AFF3: variants seen among roughly 807,000 people sequenced by gnomAD.
The protein encoded by AFF3 is AF4/FMR2 family member 3.
AFF3 carries 32 observed loss-of-function variants against 129.7 expected under a neutral mutation model. The observed-to-expected ratio is 0.25, with a 90% CI of 0.19 to 0.33. The LOEUF is 0.33. Ranked by LOEUF, AFF3 falls within the 10% of genes least tolerant of loss-of-function variation. The pLI is 1.00. For missense variants in AFF3, 1,373 were observed against 1,592.0 expected, an observed-to-expected ratio of 0.86 and a Z score of 2.34; for synonymous variants, 644 against 635.4, an observed-to-expected ratio of 1.01 and a Z score of -0.20.
intron 2 of AFF3, among the ~76,000 whole-genome samples, chr2:100,121,220 C>T (rs1259849477): frequency 1.3e-5 from 2 of 152,156 alleles, no homozygotes; most frequent in African/African-American, 2.4e-5. Context: ...CCACCCTGCC[C>T]ACCATCCAGT....
chr2:99,709,880 C>T (rs1677743209), intron 11 of AFF3, among the ~76,000 whole-genome samples: 1 of 152,224 alleles, frequency 6.6e-6, no homozygotes, highest in Admixed American at 6.5e-5. Flanking sequence ...AGTCCCAAAT[C>T]ACTGGGTTTC....
chr2:99,902,655 C>G (rs944506848), intron 7 of AFF3, among the ~76,000 whole-genome samples: 1 of 152,146 alleles, frequency 6.6e-6, no homozygotes, highest in African/African-American at 2.4e-5. Flanking sequence ...GAATCACCTC[C>G]AAATTTAACC....
At chr2:99,898,364 A>G (rs1694116974) in intron 7 of AFF3, among the ~76,000 whole-genome samples, 1 of 152,198 alleles carries the variant, frequency 6.6e-6, no homozygotes, top group African/African-American at 2.4e-5. Flanking sequence ...CCACAAGGAC[A>G]CTGAGGCACC....
intron 11 of AFF3, among the ~76,000 whole-genome samples, chr2:99,689,061 G>A (rs1029040045): frequency 6.6e-6 from 1 of 152,126 alleles, no homozygotes; most frequent in African/African-American, 2.4e-5. Context: ...ACTCCTAGCA[G>A]TGTCCATCTT....
chr2:99,554,808 G>A (rs919066987), intron 22 of AFF3, 76 bp from the exon 23 acceptor site: 84 of 1,556,842 alleles, frequency 5.4e-5, no homozygotes, highest in Non-Finnish European at 6.8e-5. Flanking sequence ...GTGTTTTCAG[G>A]TGACTGCAGA....
At chr2:99,812,557 G>A (rs1006566583) in intron 8 of AFF3, among the ~76,000 whole-genome samples, 18 of 152,184 alleles carry the variant, frequency 1.2e-4, no homozygotes, top group African/African-American at 3.9e-4. Flanking sequence ...AAACATGGTC[G>A]TTGGTATCAT....
At chr2:99,677,167 G>A (rs1313051944) in intron 11 of AFF3, among the ~76,000 whole-genome samples, 1 of 151,308 alleles carries the variant, frequency 6.6e-6, no homozygotes, top group Non-Finnish European at 1.5e-5. Context: ...CTACTAGGGA[G>A]GCTGAGGTAG....
chr2:99,657,172 G>A (rs559598072), intron 12 of AFF3, among the ~76,000 whole-genome samples: 64 of 152,282 alleles, frequency 4.2e-4, no homozygotes, highest in African/African-American at 1.3e-3. Flanking sequence ...AGCTGAACGG[G>A]GTCAGCAGAG....
intron 2 of AFF3, among the ~76,000 whole-genome samples, chr2:100,128,293 G>A (rs538574985): frequency 1.3e-5 from 2 of 152,136 alleles, no homozygotes; most frequent in Admixed American, 6.5e-5. Flanking sequence ...TCTTTCTTGC[G>A]TGAGATCCAA....
In AFF3 at chr2:100,007,195, C is replaced by A. The variant is rs1302616728; in HGVS notation, c.440G>T (p.Gly147Val). The A allele has an allele frequency of 3.1e-6, 5 of 1,614,156 alleles. No homozygotes were observed. The East Asian group carries it at 1.1e-4, about 36-fold the overall frequency. Residue 147 changes from glycine (G) to valine (V), a missense_variant, in exon 6 of 25, where the codon GGC becomes GTC. Coordinates refer to ENST00000672756, the MANE Select transcript of AFF3 (RefSeq NM_001386135.1). ...PVQQSKRGTM[G>V]WQKAGHPPSD... The stretch of plus-strand genomic sequence containing the variant: ...GGGTGGGTGCCCAGCCTTCTGCCAG[C>A]CCATAGTGCCTCTCTTACTCTGCTG...
At chr2:99,938,797 G>A (rs1406537030) in intron 7 of AFF3, among the ~76,000 whole-genome samples, 4 of 152,168 alleles carry the variant, frequency 2.6e-5, no homozygotes, top group Non-Finnish European at 5.9e-5. Context: ...ACAATTATGT[G>A]AACCAATTCT....
At chr2:100,022,632 G>C (rs536180008) in intron 4 of AFF3, among the ~76,000 whole-genome samples, 2 of 152,124 alleles carry the variant, frequency 1.3e-5, no homozygotes, top group African/African-American at 4.8e-5. Context: ...GGCTGGTCTT[G>C]AACTCCTGAC....
chr2:99,676,245 A>C (rs1386359403), intron 11 of AFF3, among the ~76,000 whole-genome samples: 2 of 152,078 alleles, frequency 1.3e-5, no homozygotes, highest in Non-Finnish European at 2.9e-5. Context: ...CAGGGGATGA[A>C]GCCCTCAACT....
intron 7 of AFF3, among the ~76,000 whole-genome samples, chr2:99,921,690 G>C (rs1695867694): frequency 6.6e-6 from 1 of 151,986 alleles, no homozygotes; most frequent in Non-Finnish European, 1.5e-5. Context: ...ACACAGAAAG[G>C]AATAAATGTG....
At chr2:99,572,507 C>A in intron 18 of AFF3, 2 of 434,548 alleles carry the variant, frequency 4.6e-6, no homozygotes, top group Non-Finnish European at 4.6e-6. Context: ...CTCAGTAGAG[C>A]CAGCCTGTTT....
At chr2:99,602,613 G>A (rs1015884730) in intron 13 of AFF3, among the ~76,000 whole-genome samples, 1 of 152,160 alleles carries the variant, frequency 6.6e-6, no homozygotes, top group Non-Finnish European at 1.5e-5. Flanking sequence ...GTTCTTTTGA[G>A]GTCAAGCTCT....
intron 10 of AFF3, among the ~76,000 whole-genome samples, chr2:99,736,716 T>C (rs972745995): frequency 6.6e-6 from 1 of 151,406 alleles, no homozygotes; most frequent in African/African-American, 2.4e-5. Context: ...TTCAAGCGAT[T>C]CTCCTGCCTC....
At chr2:99,900,787 G>A (rs563139040) in intron 7 of AFF3, among the ~76,000 whole-genome samples, 2 of 152,160 alleles carry the variant, frequency 1.3e-5, no homozygotes, top group Non-Finnish European at 2.9e-5. Flanking sequence ...AGAATAGAGC[G>A]GTAGCCATGG....
At chr2:99,740,712 T>C (rs966135746) in intron 10 of AFF3, among the ~76,000 whole-genome samples, 2 of 151,522 alleles carry the variant, frequency 1.3e-5, no homozygotes, top group Non-Finnish European at 3.0e-5. Flanking sequence ...TTCTGGATAT[T>C]AGCCCTTTGT....
Sources: allele counts gnomAD v4.1 joint callset (sites outside exome capture counted in the v4.1 genomes callset), GRCh38; gene constraint gnomAD v4.1.1; transcripts MANE v1.5; gene names NCBI Gene and HGNC (gene_info 2026-07-23, HGNC 2026-07-21).